Variants in DTNA observed in about 807,000 individuals in gnomAD.
DTNA encodes the protein dystrobrevin alpha.
In DTNA, 43 loss-of-function variants were observed where a neutral mutation model predicts 100.7. That is an observed-to-expected ratio of 0.43 (90% confidence interval 0.33 to 0.55). DTNA has a LOEUF of 0.55. DTNA is among the 20% of genes least tolerant of loss of function. The pLI is 0.04. For missense variants in DTNA, 798 were observed against 953.9 expected, an observed-to-expected ratio of 0.84 and a Z score of 2.15; for synonymous variants, 349 against 347.9, an observed-to-expected ratio of 1.00 and a Z score of -0.04.
chr18:34,521,795 C>T (rs1324472499), intron 1 of DTNA, among the ~76,000 whole-genome samples: 1 of 152,146 alleles, frequency 6.6e-6, no homozygotes, highest in Non-Finnish European at 1.5e-5. Context: ...TAGTAGAGCA[C>T]CCTGTCCCTC....
At chr18:34,795,082 AC>A (rs1406122496) in intron 4 of DTNA, among the ~76,000 whole-genome samples, 2 of 152,080 alleles carry the variant, frequency 1.3e-5, no homozygotes, top group African/African-American at 2.4e-5. Flanking sequence ...ACGTAGTACC[AC>A]CCCCTCCACT....
At chr18:34,582,207 G>A (rs1198366511) in intron 1 of DTNA, among the ~76,000 whole-genome samples, 1 of 151,998 alleles carries the variant, frequency 6.6e-6, no homozygotes, top group Non-Finnish European at 1.5e-5. Flanking sequence ...AGGTGTGTGT[G>A]AACACCTTAG....
chr18:34,888,904 C>G lies in DTNA; in HGVS notation c.*1170C>G. ...TTGCCTTAGCTGGCCACCTGGTGTT[C>G]TGCATGTAGCCTTCTGTGGTCATGT... is the stretch of plus-strand genomic sequence containing the variant. On this transcript the variant is annotated 3_prime_UTR_variant, in exon 23 of 23. Coordinates refer to ENST00000444659, the MANE Select transcript of DTNA (RefSeq NM_001386795.1). 1.0e-6 allele frequency: 1 copy of G among 985,862 alleles called. No individual in the cohort carries two copies. The highest frequency in any genetic ancestry group is 1.2e-6 in the Non-Finnish European group (1 of 829,948). 61.1% of individuals were successfully genotyped at this position (985,862 alleles called of 1,614,324 possible).
intron 1 of DTNA, among the ~76,000 whole-genome samples, chr18:34,734,170 G>T (rs1293905173): frequency 6.6e-6 from 1 of 152,156 alleles, no homozygotes; most frequent in Admixed American, 6.5e-5. Context: ...GAGGTATTGA[G>T]GGTGGCTCCT....
At position 34,884,442 on chromosome 18, in the gene DTNA, G is replaced by A. The variant is rs144094192; in HGVS notation, c.2296-286G>A. Among the ~76,000 whole-genome samples, 641 of 152,078 alleles carry A rather than the reference G, an allele frequency of 4.2e-3. 5 individuals carry two copies. The highest frequency in any genetic ancestry group is 0.01 in the South Asian group (49 of 4,812). On this transcript the variant is annotated intron_variant, in intron 21 of 22. Transcript: ENST00000444659. ...TCCCTCTCCCTCTCCTTTCTTTTCCGTGCCTCATGACTTCCAAGAAAAGGA... is the reference window on the plus strand; with the variant it reads ...TCCCTCTCCCTCTCCTTTCTTTTCCATGCCTCATGACTTCCAAGAAAAGGA...
At chr18:34,805,962 T>G (rs2095350164) in intron 4 of DTNA, among the ~76,000 whole-genome samples, 1 of 152,220 alleles carries the variant, frequency 6.6e-6, no homozygotes, top group Non-Finnish European at 1.5e-5. Context: ...TTTGAGCAAG[T>G]GACATATACA....
chr18:34,744,663 T>C (rs2091277374), intron 1 of DTNA, among the ~76,000 whole-genome samples: 1 of 151,948 alleles, frequency 6.6e-6, no homozygotes, highest in Non-Finnish European at 1.5e-5. Context: ...GCAGAGGAGA[T>C]AGGCACTTTC....
At chr18:34,806,169 T>G in intron 4 of DTNA, 50 bp from the exon 5 acceptor site, 4 of 1,498,126 alleles carry the variant, frequency 2.7e-6, no homozygotes, top group Non-Finnish European at 3.7e-6. Context: ...AATGACATCA[T>G]GGTTTTGTTT....
chr18:34,622,313 C>A (rs1246520759), intron 1 of DTNA, among the ~76,000 whole-genome samples: 4 of 152,054 alleles, frequency 2.6e-5, no homozygotes, highest in Non-Finnish European at 4.4e-5. Context: ...ATCAGAAGCC[C>A]CCTATACGTA....
chr18:34,565,578 G>C (rs2047012606), intron 1 of DTNA, among the ~76,000 whole-genome samples: 1 of 152,144 alleles, frequency 6.6e-6, no homozygotes, highest in Non-Finnish European at 1.5e-5. Flanking sequence ...TTCCTCCCTT[G>C]CCTCTTCTAG....
intron 13 of DTNA, among the ~76,000 whole-genome samples, chr18:34,840,923 C>G (rs994750277): frequency 6.6e-6 from 1 of 152,044 alleles, no homozygotes; most frequent in Non-Finnish European, 1.5e-5. Context: ...GTAATGACCT[C>G]TTACCTCCTT....
At chr18:34,851,204 C>T (rs2096471648) in intron 14 of DTNA, among the ~76,000 whole-genome samples, 1 of 152,148 alleles carries the variant, frequency 6.6e-6, no homozygotes, top group Non-Finnish European at 1.5e-5. Context: ...CGGGCTCAAG[C>T]AATTCTCCTG....
chr18:34,524,705 G>A (rs973560178), intron 1 of DTNA, among the ~76,000 whole-genome samples: 1 of 152,000 alleles, frequency 6.6e-6, no homozygotes, highest in Non-Finnish European at 1.5e-5. Flanking sequence ...GTTGTCACAC[G>A]CTTGCAGAGA....
chr18:34,544,290 C>A (rs952048610), intron 1 of DTNA, among the ~76,000 whole-genome samples: 24 of 151,948 alleles, frequency 1.6e-4, no homozygotes, highest in African/African-American at 5.8e-4. Flanking sequence ...TTATATATTT[C>A]TTTCCTAAGT....
chr18:34,544,223 A>G (rs745545093), intron 1 of DTNA, among the ~76,000 whole-genome samples: 1 of 152,062 alleles, frequency 6.6e-6, no homozygotes, highest in Non-Finnish European at 1.5e-5. Flanking sequence ...TCATGTAAAT[A>G]ACACTACTCT....
At chr18:34,630,711 G>C (rs903419964) in intron 1 of DTNA, among the ~76,000 whole-genome samples, 1 of 152,118 alleles carries the variant, frequency 6.6e-6, no homozygotes, top group Non-Finnish European at 1.5e-5. Flanking sequence ...TGACTCCAAA[G>C]TGGCTAGCTT....
chr18:34,847,502 G>A (rs906406807), intron 13 of DTNA, among the ~76,000 whole-genome samples: 1 of 152,146 alleles, frequency 6.6e-6, no homozygotes, highest in African/African-American at 2.4e-5. Context: ...ATCCAGGTTT[G>A]GCTTAGCTAA....
At chr18:34,742,219 C>T (rs1479402778) in intron 1 of DTNA, among the ~76,000 whole-genome samples, 3 of 152,130 alleles carry the variant, frequency 2.0e-5, no homozygotes, top group South Asian at 2.1e-4. Flanking sequence ...GTATTAGTTT[C>T]CTCTTGTTGA....
intron 17 of DTNA, among the ~76,000 whole-genome samples, chr18:34,864,371 C>A (rs2096669119): frequency 6.6e-6 from 1 of 151,970 alleles, no homozygotes. Flanking sequence ...CTGCCTCAGC[C>A]CCCCGCCGAG....
Sources: allele counts gnomAD v4.1 joint callset (sites outside exome capture counted in the v4.1 genomes callset), GRCh38; gene constraint gnomAD v4.1.1; transcripts MANE v1.5; gene names NCBI Gene and HGNC (gene_info 2026-07-23, HGNC 2026-07-21).